The following ATAD2B variants were observed in gnomAD, a reference collection of about 807,000 sequenced individuals.
ATAD2B encodes ATPase family AAA domain-containing protein 2B.
In ATAD2B, 40 loss-of-function variants were observed where a neutral mutation model predicts 167.6. The ratio of observed to expected loss-of-function variants is 0.24; its 90% CI spans 0.19 to 0.31. The LOEUF is 0.31. Ranked by LOEUF, ATAD2B falls within the 10% of genes least tolerant of loss-of-function variation. The pLI is 1.00. For synonymous variants in ATAD2B, 579 were observed against 596.5 expected (o/e 0.97, Z 0.43); for missense variants, 1,242 against 1,757.2 (o/e 0.71, Z 5.24).
At chr2:23,739,702 G>A in the ATAD2B span, among the ~76,000 whole-genome samples, 1 of 152,196 alleles carries the variant, frequency 6.6e-6, no homozygotes, top group Non-Finnish European at 1.5e-5. Flanking sequence ...ACTAAGATCA[G>A]AGCATAACTG....
At chr2:23,791,806 C>T (rs1042938410) in intron 19 of ATAD2B, among the ~76,000 whole-genome samples, 1 of 152,106 alleles carries the variant, frequency 6.6e-6, no homozygotes, top group South Asian at 2.1e-4. Context: ...GATGTTTCCA[C>T]CTTTTGGTTA....
At chr2:23,682,251 C>T in the ATAD2B span, among the ~76,000 whole-genome samples, 1 of 152,214 alleles carries the variant, frequency 6.6e-6, no homozygotes, top group Non-Finnish European at 1.5e-5. The surrounding 1 kb of genome is among the most constrained non-coding windows in gnomAD (Gnocchi z 4.1). Context: ...CTGCACACTC[C>T]CACCCGCTGA....
chr2:23,783,047 T>C lies in ATAD2B; in HGVS notation c.2974-19A>G. On this transcript the variant is annotated intron_variant, in intron 21 of 27. Transcript: ENST00000238789. ...CTGAAACCTAAAACAGATATTTTAA[T>C]AAAAATTACTTCCAGTTTTTCACAT... is the stretch of plus-strand genomic sequence containing the variant. 1 of 1,328,252 alleles carries C rather than the reference T, an allele frequency of 7.5e-7. No individual in the cohort carries two copies. The highest frequency in any genetic ancestry group is 1.0e-6 in the Non-Finnish European group (1 of 985,502). 82.3% of individuals were successfully genotyped at this position (1,328,252 alleles called of 1,614,324 possible). A position where few individuals can be genotyped will look rare whatever the true frequency, so the allele number is the denominator to read the frequency against.
At chr2:23,696,432 G>A in the ATAD2B span, 12 of 1,551,344 alleles carry the variant, frequency 7.7e-6, no homozygotes, top group South Asian at 3.6e-5. This position sits in a 1 kb window ranked among gnomAD's most constrained non-coding sequence, Gnocchi z 5.5. Flanking sequence ...CCCCGCTGTC[G>A]GCACAATAGC....
At chr2:23,862,102 C>T (rs1343083079) in intron 12 of ATAD2B, among the ~76,000 whole-genome samples, 2 of 152,008 alleles carry the variant, frequency 1.3e-5, no homozygotes, top group African/African-American at 4.8e-5. Context: ...GAGGCCAAGG[C>T]CGGAAGATCA....
chr2:23,880,641 A>G lies in ATAD2B; in HGVS notation c.899T>C (p.Ile300Thr). ...AAAAGTTATTTAGAGTTGCCTACCT[A>G]TTGGAGGTGCTTGGTATCGATCCAC... ...KTVDRYQAPPIVPAHQKKREN... is the reference protein window; with the variant it reads ...KTVDRYQAPPTVPAHQKKREN... Residue 300 changes from isoleucine to threonine, a missense_variant and splice_region_variant, in exon 7 of 28, where the codon ATA becomes ACA. Physicochemically the swap from Ile to Thr is moderately conservative, Grantham distance 89 (BLOSUM62 -1). Transcript: ENST00000238789. 1 of 1,574,378 alleles carries G rather than the reference A, an allele frequency of 6.4e-7. No individual in the cohort carries two copies. Among genetic ancestry groups the G allele is most frequent in the Non-Finnish European group, 8.7e-7 (1 of 1,150,150 alleles).
intron 22 of ATAD2B, among the ~76,000 whole-genome samples, chr2:23,769,402 T>C (rs1432119110): frequency 1.3e-5 from 2 of 152,136 alleles, no homozygotes; most frequent in African/African-American, 4.8e-5. Context: ...ACAGCGCCAC[T>C]GCACTCCAGC....
chr2:23,828,683 T>C (rs966417041), intron 15 of ATAD2B, among the ~76,000 whole-genome samples, 166 bp downstream of exon 15: 1 of 152,216 alleles, frequency 6.6e-6, no homozygotes. Flanking sequence ...TTAGAAGTAC[T>C]CAAACTTTAA....
At chr2:23,890,047 T>C (rs2150312867) in intron 2 of ATAD2B, among the ~76,000 whole-genome samples, 1 of 147,212 alleles carries the variant, frequency 6.8e-6, no homozygotes, top group African/African-American at 2.5e-5. Flanking sequence ...ACCCCATCTC[T>C]ACTAAAAATA....
At chr2:23,915,599 T>TC (rs1452950079) in intron 1 of ATAD2B, among the ~76,000 whole-genome samples, 1 of 48,584 alleles carries the variant, frequency 2.1e-5, no homozygotes, top group African/African-American at 6.0e-5. Flanking sequence ...TTTTTTTTTT[T>TC]TTTTTTTTTT....
intron 8 of ATAD2B, chr2:23,872,397 A>G: frequency 2.9e-6 from 2 of 696,932 alleles, no homozygotes; most frequent in Non-Finnish European, 5.4e-6. Flanking sequence ...GCTCCATGAC[A>G]GCCTCTTCAG....
the ATAD2B span, among the ~76,000 whole-genome samples, chr2:23,694,813 C>T: frequency 2.6e-4 from 40 of 152,328 alleles, no homozygotes; most frequent in African/African-American, 8.9e-4. Flanking sequence ...ATTCCCTCTG[C>T]AAAACCTCTT....
At chr2:23,886,892 C>A (rs1465837401) in intron 4 of ATAD2B, among the ~76,000 whole-genome samples, 1 of 150,884 alleles carries the variant, frequency 6.6e-6, no homozygotes, top group Non-Finnish European at 1.5e-5. Flanking sequence ...GATCACGCCA[C>A]TGCACTCCAG....
At chr2:23,892,880 C>T (rs148369353) in intron 2 of ATAD2B, among the ~76,000 whole-genome samples, 22 of 152,188 alleles carry the variant, frequency 1.4e-4, no homozygotes, top group East Asian at 7.7e-4. Flanking sequence ...AATAAATATC[C>T]GCTGACCAAA....
At chr2:23,763,923 T>G (rs1677076472) in intron 23 of ATAD2B, among the ~76,000 whole-genome samples, 1 of 152,208 alleles carries the variant, frequency 6.6e-6, no homozygotes, top group African/African-American at 2.4e-5. Context: ...CATGTTGTAC[T>G]GTGTAACAGT....
At chr2:23,812,001 C>A (rs1194511871) in intron 17 of ATAD2B, among the ~76,000 whole-genome samples, 1 of 151,970 alleles carries the variant, frequency 6.6e-6, no homozygotes, top group East Asian at 1.9e-4. Flanking sequence ...CTTGTAATTT[C>A]GAGATTCTAC....
chr2:23,832,281 GA>G, intron 14 of ATAD2B: 4 of 466,426 alleles, frequency 8.6e-6, no homozygotes, highest in South Asian at 1.6e-5. Flanking sequence ...CTATTTAAGG[GA>G]AAAAGGTAAA....
In ATAD2B at chr2:23,823,508, C is replaced by T. The variant is rs1295918313; in HGVS notation, c.1881G>A (p.Arg627=). The change falls in exon 16 of 28, where the codon AGG becomes AGA. Residue 627 remains arginine (R), a synonymous_variant. Coordinates refer to ENST00000238789, the MANE Select transcript of ATAD2B (RefSeq NM_017552.4). ...CTEAALIALR[R]RYPQIYASSH... is the part of the protein sequence containing the mutation. ...TGCTAGCATAGATCTGGGGATAACG[C>T]CTCCGCAGTGCAATCAGGGCGGCTT... is the stretch of plus-strand genomic sequence containing the variant. The T allele has an allele frequency of 3.7e-6, 6 of 1,613,572 alleles. No individual in the cohort carries two copies. Among genetic ancestry groups the T allele is most frequent in the Non-Finnish European group, 1.7e-6 (2 of 1,179,908 alleles).
chr2:23,862,178 C>CA (rs1694474360), intron 12 of ATAD2B, among the ~76,000 whole-genome samples: 1 of 149,078 alleles, frequency 6.7e-6, no homozygotes, highest in South Asian at 2.1e-4. Flanking sequence ...GCCTGGGTGA[C>CA]AGAGCGTGAC....
Sources: gnomAD v4.1 joint callset for allele counts (sites outside exome capture counted in the v4.1 genomes callset) on GRCh38, gnomAD v4.1.1 for gene constraint, Gnocchi (gnomAD v3.1) non-coding constraint, MANE v1.5 for transcripts, NCBI Gene and HGNC (gene_info 2026-07-23, HGNC 2026-07-21) for gene names.